TTC23L: variants seen among roughly 807,000 people sequenced by gnomAD.
TTC23L encodes the protein tetratricopeptide repeat domain 23 like.
A neutral mutation model predicts 48.1 loss-of-function variants in TTC23L; 42 were observed. The observed-to-expected ratio is 0.87, with a 90% CI of 0.68 to 1.13. The LOEUF (loss-of-function observed/expected upper bound fraction) is 1.13. TTC23L is among the 50% of genes most tolerant of loss of function. The pLI, the probability that TTC23L is intolerant of heterozygous loss-of-function variation, is 0.00. For synonymous variants in TTC23L, 159 were observed against 157.2 expected, an observed-to-expected ratio of 1.01 and a Z score of -0.09; for missense variants, 391 against 421.0, an observed-to-expected ratio of 0.93 and a Z score of 0.62.
chr5:34,862,935 C>T, exon 5 of TTC23L: 1 of 1,613,960 alleles, frequency 6.2e-7, no homozygotes, highest in Non-Finnish European at 8.5e-7. Context: ...CTACATCAGC[C>T]AAGAATACAC....
intron 8 of TTC23L, among the ~76,000 whole-genome samples, chr5:34,878,682 AAAAAC>A (rs761440711): frequency 1.3e-5 from 2 of 152,222 alleles, no homozygotes; most frequent in African/African-American, 2.4e-5. Flanking sequence ...AAAAAGACAA[AAAAAC>A]AAAAACAGAT....
At chr5:34,915,996 G>A in the TTC23L span, 2 of 1,371,716 alleles carry the variant, frequency 1.5e-6, no homozygotes, top group South Asian at 1.6e-5. Flanking sequence ...TTTCAGAGTA[G>A]CCCGGGTGTT....
intron 6 of TTC23L, among the ~76,000 whole-genome samples, chr5:34,866,020 A>T (rs1274075836): frequency 2.6e-5 from 4 of 152,244 alleles, no homozygotes; most frequent in African/African-American, 9.6e-5. Flanking sequence ...AGGCTTATAG[A>T]GTTTGAGAAA....
intron 2 of TTC23L, among the ~76,000 whole-genome samples, chr5:34,843,175 G>A (rs1198367434): frequency 6.6e-6 from 1 of 152,108 alleles, no homozygotes; most frequent in Non-Finnish European, 1.5e-5. Flanking sequence ...AAAAATTGAA[G>A]TTCATAAAAA....
chr5:34,900,585 A>G (rs2111900265), downstream of TTC23L, among the ~76,000 whole-genome samples: 1 of 152,346 alleles, frequency 6.6e-6, no homozygotes, highest in South Asian at 2.1e-4. Flanking sequence ...CTGTTTACAG[A>G]AAGAATCCTG....
At chr5:34,908,604 C>T in the TTC23L span, 453 of 580,118 alleles carry the variant, frequency 7.8e-4, 6 homozygotes, top group East Asian at 0.013. Context: ...AATGGATTTA[C>T]AAAACATAGT....
chr5:34,873,258 A>C, intron 8 of TTC23L, among the ~76,000 whole-genome samples: 1 of 152,232 alleles, frequency 6.6e-6, no homozygotes, highest in East Asian at 1.9e-4. Flanking sequence ...TGACTTTGTG[A>C]AGAGATCTGT....
rs142387496 is a variant in TTC23L, at chr5:34,897,056, G to A, written c.*97+181G>A. On this transcript the variant is annotated intron_variant, in intron 10 of 10. Transcript: ENST00000505624. The stretch of plus-strand genomic sequence containing the variant: ...AACAGGTTTAAACAAAGTGACACAG[G>A]TTACTTTTCTGAAGGGCTTCTCAGG... Among the ~76,000 whole-genome samples, 578 of 152,162 alleles carry A rather than the reference G, an allele frequency of 3.8e-3. 2 individuals carry two copies. Among genetic ancestry groups the A allele is most frequent in the Middle Eastern group, 0.017 (5 of 294 alleles).
chr5:34,909,782 T>C, the TTC23L span, among the ~76,000 whole-genome samples: 110 of 152,318 alleles, frequency 7.2e-4, no homozygotes, highest in African/African-American at 2.5e-3. Flanking sequence ...CTTAAGGCTA[T>C]TGCATGGTTT....
intron 2 of TTC23L, among the ~76,000 whole-genome samples, chr5:34,843,133 A>T (rs527902471): frequency 6.6e-6 from 1 of 152,206 alleles, no homozygotes; most frequent in Non-Finnish European, 1.5e-5. Flanking sequence ...TAAATTCATA[A>T]AATATCTTAA....
chr5:34,916,057 T>C, the TTC23L span: 1 of 826,096 alleles, frequency 1.2e-6, no homozygotes, highest in Non-Finnish European at 1.8e-6. Context: ...GCACGGAGTT[T>C]GCAGCTAATC....
chr5:34,893,903 A>G (rs776258798), intron 9 of TTC23L, among the ~76,000 whole-genome samples: 1 of 152,170 alleles, frequency 6.6e-6, no homozygotes, highest in Admixed American at 6.5e-5. Flanking sequence ...GCATATGACC[A>G]ATAAACACAC....
the TTC23L span, chr5:34,911,650 A>C: frequency 1.2e-6 from 2 of 1,614,214 alleles, no homozygotes; most frequent in Non-Finnish European, 1.7e-6. Flanking sequence ...TGACTGCAGA[A>C]TAATTTTATT....
downstream of TTC23L, among the ~76,000 whole-genome samples, chr5:34,901,254 A>C (rs1763503319): frequency 6.6e-6 from 1 of 151,998 alleles, no homozygotes; most frequent in African/African-American, 2.4e-5. Flanking sequence ...GTATTTATTG[A>C]AAAAAATCTG....
intron 9 of TTC23L, among the ~76,000 whole-genome samples, chr5:34,892,155 C>T (rs1762908200): frequency 6.6e-6 from 1 of 152,202 alleles, no homozygotes; most frequent in Admixed American, 6.5e-5. Flanking sequence ...CTGGAGTAAT[C>T]AATCCCAGAT....
the TTC23L span, chr5:34,906,887 G>A: frequency 2.0e-5 from 3 of 151,966 alleles, no homozygotes; most frequent in East Asian, 3.9e-4. Flanking sequence ...ATTTTCCCAA[G>A]TATCTTTTAG....
At chr5:34,865,027 G>C (rs535956930) in intron 6 of TTC23L, among the ~76,000 whole-genome samples, 1 of 152,350 alleles carries the variant, frequency 6.6e-6, no homozygotes, top group South Asian at 2.1e-4. Context: ...GCCATGCACA[G>C]CATGTACATT....
At chr5:34,923,291 T>C in the TTC23L span, 1 of 1,357,982 alleles carries the variant, frequency 7.4e-7, no homozygotes, top group Non-Finnish European at 1.0e-6. Context: ...TATTTATTTA[T>C]GTTTTGAGAC....
intron 2 of TTC23L, among the ~76,000 whole-genome samples, chr5:34,841,147 G>C (rs990345447): frequency 2.0e-5 from 3 of 152,186 alleles, no homozygotes; most frequent in African/African-American, 7.2e-5. Flanking sequence ...CATGATAGAA[G>C]ATTGCTTTTT....
Sources: allele counts gnomAD v4.1 joint callset (sites outside exome capture counted in the v4.1 genomes callset), GRCh38; gene constraint gnomAD v4.1.1; transcripts MANE v1.5; gene names NCBI Gene and HGNC (gene_info 2026-07-23, HGNC 2026-07-21).